Variants in CLIP2 observed in about 807,000 individuals in gnomAD.
The protein encoded by CLIP2 is CAP-Gly domain containing linker protein 2.
CLIP2 carries 41 observed loss-of-function variants against 111.7 expected under a neutral mutation model. That is an observed-to-expected ratio of 0.37 (90% CI 0.29 to 0.48). The LOEUF (loss-of-function observed/expected upper bound fraction) is 0.48. Ranked by LOEUF, CLIP2 falls within the 20% of genes least tolerant of loss-of-function variation. The probability of loss-of-function intolerance (pLI) is 0.99; values close to 1 mark genes in which losing one functional copy is unlikely to be tolerated. For synonymous variants in CLIP2, 660 were observed against 644.2 expected (o/e 1.02, Z -0.37); for missense variants, 1,160 against 1,422.1 (o/e 0.82, Z 2.96).
chr7:74,305,682 T>C (rs879954071), intron 1 of CLIP2, among the ~76,000 whole-genome samples: 3 of 152,094 alleles, frequency 2.0e-5, no homozygotes, highest in Non-Finnish European at 2.9e-5. Flanking sequence ...TTAGTAGAGA[T>C]GGGGTTTCGC....
chr7:74,345,789 A>G (rs1027513223), intron 3 of CLIP2, among the ~76,000 whole-genome samples: 6 of 151,830 alleles, frequency 4.0e-5, no homozygotes, highest in Non-Finnish European at 8.8e-5. Flanking sequence ...GGAGGTTGCA[A>G]TGAGTTGAGA....
At chr7:74,395,406 C>T (rs547452021) in intron 13 of CLIP2, among the ~76,000 whole-genome samples, 1 of 152,314 alleles carries the variant, frequency 6.6e-6, no homozygotes, top group South Asian at 2.1e-4. Flanking sequence ...ATCTGCCCGC[C>T]TTGGCCTCCC....
intron 16 of CLIP2, 46 bp downstream of exon 16, chr7:74,401,613 C>A: frequency 1.9e-6 from 3 of 1,570,264 alleles, no homozygotes; most frequent in South Asian, 2.2e-5. Context: ...TGCAGGCAGA[C>A]CTCTCTGGAG....
intron 11 of CLIP2, among the ~76,000 whole-genome samples, chr7:74,383,543 CAT>C (rs1469654288): frequency 3.9e-5 from 6 of 152,160 alleles, no homozygotes; most frequent in Admixed American, 6.6e-5. Flanking sequence ...ATAAAATAGA[CAT>C]GTGCAGGTTT....
chr7:74,291,343 A>G (rs1002925530), intron 1 of CLIP2, among the ~76,000 whole-genome samples: 1 of 152,196 alleles, frequency 6.6e-6, no homozygotes, highest in African/African-American at 2.4e-5. Flanking sequence ...CTCAGAGCCC[A>G]AAGTCCCAGC....
intron 3 of CLIP2, among the ~76,000 whole-genome samples, chr7:74,341,440 A>C (rs563598): frequency 2.0e-5 from 3 of 151,690 alleles, no homozygotes; most frequent in African/African-American, 7.3e-5. Context: ...CGGCCTCCCA[A>C]AGTGGTGGGA....
At chr7:74,382,729 T>C (rs1162703536) in intron 11 of CLIP2, among the ~76,000 whole-genome samples, 2 of 152,016 alleles carry the variant, frequency 1.3e-5, no homozygotes, top group African/African-American at 4.8e-5. Flanking sequence ...CCCCACTTTG[T>C]CATTTGCCTT....
At chr7:74,332,165 C>G (rs926105260) in intron 2 of CLIP2, among the ~76,000 whole-genome samples, 9 of 151,758 alleles carry the variant, frequency 5.9e-5, no homozygotes, top group Non-Finnish European at 1.2e-4. Flanking sequence ...CCTCCGCCCC[C>G]CAGGTTCAAG....
chr7:74,309,505 C>T (rs868988320), intron 1 of CLIP2, among the ~76,000 whole-genome samples: 4 of 152,074 alleles, frequency 2.6e-5, no homozygotes, highest in East Asian at 1.9e-4. Context: ...TTCATATGAA[C>T]GGATTCATAC....
chr7:74,309,960 A>C (rs184578576), intron 1 of CLIP2, among the ~76,000 whole-genome samples: 66 of 135,502 alleles, frequency 4.9e-4, no homozygotes, highest in African/African-American at 1.8e-3. Flanking sequence ...GCACTTTGGG[A>C]GGCTGAGGTG....
chr7:74,357,188 G>C, intron 5 of CLIP2, 92 bp from the exon 6 acceptor site: 1 of 1,158,746 alleles, frequency 8.6e-7, no homozygotes, highest in Non-Finnish European at 1.3e-6. Context: ...GCTCCCACCT[G>C]CTATGTTGCT....
intron 11 of CLIP2, 160 bp downstream of exon 11, chr7:74,381,023 G>A: frequency 9.5e-6 from 6 of 631,756 alleles, no homozygotes; most frequent in Non-Finnish European, 1.4e-5. Flanking sequence ...GAGGAGGCCA[G>A]TTTACGGAGG....
chr7:74,377,563 C>T (rs1029693226), intron 10 of CLIP2, among the ~76,000 whole-genome samples: 1 of 152,214 alleles, frequency 6.6e-6, no homozygotes, highest in African/African-American at 2.4e-5. Flanking sequence ...CTGGGTACCA[C>T]GTCTTATGCC....
intron 8 of CLIP2, chr7:74,364,735 C>A: frequency 2.7e-6 from 1 of 369,596 alleles, no homozygotes; most frequent in Admixed American, 3.2e-5. Flanking sequence ...GCTCAGAGAC[C>A]AAGGGAGCTG....
At chr7:74,393,025 A>G (rs925149112) in intron 13 of CLIP2, among the ~76,000 whole-genome samples, 1 of 146,938 alleles carries the variant, frequency 6.8e-6, no homozygotes, top group Non-Finnish European at 1.5e-5. Flanking sequence ...CAGCCCCTGT[A>G]AGCATTTGCT....
In CLIP2 at chr7:74,338,430, C is replaced by G. The variant is rs1554732560; in HGVS notation, c.122-18C>G. The G allele has an allele frequency of 1.2e-6, 2 of 1,610,104 alleles. No individual in the cohort carries two copies. Among genetic ancestry groups the G allele is most frequent in the South Asian group, 1.1e-5 (1 of 90,620 alleles). ...CCCTAACAGCCACCTCTTTCCCTTT[C>G]CCTCTCCTTCTCTGCAGGCTCCCCA... is the stretch of plus-strand genomic sequence containing the variant. On this transcript the variant is annotated intron_variant, in intron 2 of 16. Coordinates refer to ENST00000223398, the MANE Select transcript of CLIP2 (RefSeq NM_003388.5). This position sits in a 1 kb window ranked among gnomAD's most constrained non-coding sequence, Gnocchi z 4.3.
chr7:74,322,734 T>C (rs1303680977), intron 2 of CLIP2, among the ~76,000 whole-genome samples: 1 of 152,058 alleles, frequency 6.6e-6, no homozygotes, highest in African/African-American at 2.4e-5. Context: ...TTTTTGCTGT[T>C]GTTGTTTGTT....
At chr7:74,328,438 CA>C (rs1435894712) in intron 2 of CLIP2, among the ~76,000 whole-genome samples, 8 of 152,076 alleles carry the variant, frequency 5.3e-5, no homozygotes, top group Non-Finnish European at 1.5e-5. Flanking sequence ...CCAGGGGGTC[CA>C]GGGGATGAGA....
At chr7:74,325,819 G>A (rs915868793) in intron 2 of CLIP2, among the ~76,000 whole-genome samples, 5 of 150,802 alleles carry the variant, frequency 3.3e-5, no homozygotes, top group Admixed American at 6.6e-5. Flanking sequence ...GCAACAGAAC[G>A]AGACTCCATC....
Sources: allele counts gnomAD v4.1 joint callset (sites outside exome capture counted in the v4.1 genomes callset), GRCh38; gene constraint gnomAD v4.1.1; non-coding constraint Gnocchi (gnomAD v3.1); transcripts MANE v1.5; gene names NCBI Gene and HGNC (gene_info 2026-07-23, HGNC 2026-07-21).